The following CLYBL variants were observed in gnomAD, a reference collection of about 807,000 sequenced individuals.
CLYBL encodes citramalyl-CoA lyase, also known as citramalyl-CoA lyase, mitochondrial.
Under a neutral mutation model 38.9 loss-of-function variants are expected in CLYBL, and 31 were observed. The ratio of observed to expected loss-of-function variants is 0.80; its 90% CI spans 0.60 to 1.08. The LOEUF is 1.08. Ranked by LOEUF, CLYBL falls within the 50% of genes least tolerant of loss-of-function variation. CLYBL has a pLI of 0.00. For missense variants in CLYBL, 434 were observed against 411.6 expected, an observed-to-expected ratio of 1.05 and a Z score of -0.47; for synonymous variants, 171 against 158.6, an observed-to-expected ratio of 1.08 and a Z score of -0.59.
chr13:99,780,736 C>T (rs1237436069), intron 2 of CLYBL, among the ~76,000 whole-genome samples: 7 of 120,538 alleles, frequency 5.8e-5, no homozygotes, highest in East Asian at 2.5e-4. Context: ...TTTTTTGAAA[C>T]GTAGTCTCAC....
At chr13:99,786,349 C>T (rs2049794486) in intron 2 of CLYBL, among the ~76,000 whole-genome samples, 2 of 151,992 alleles carry the variant, frequency 1.3e-5, no homozygotes, top group African/African-American at 4.8e-5. Flanking sequence ...AATGCTTTCC[C>T]TTCCCCCTCC....
At chr13:99,755,732 G>A (rs1482911058) in intron 1 of CLYBL, among the ~76,000 whole-genome samples, 1 of 152,194 alleles carries the variant, frequency 6.6e-6, no homozygotes, top group Non-Finnish European at 1.5e-5. Context: ...CTCCCAGAGG[G>A]TGAGTGGGAA....
Position 99,625,646 on chromosome 13 carries a change from A to G in CLYBL, c.62+18889A>G, listed in dbSNP as rs574591632. ...TTGCAGAACTTATTGATTGTATTAC[A>G]TAGGTAAATGGAAAAATATTTCCTA... On this transcript the variant is annotated intron_variant, in intron 1 of 8. Transcript: ENST00000339105. 5.3e-5 allele frequency among the ~76,000 whole-genome samples: 8 copies of G among 152,370 alleles called. No individual in the cohort carries two copies. The East Asian group carries it at 5.8e-4, about 11-fold the overall frequency.
intron 1 of CLYBL, among the ~76,000 whole-genome samples, chr13:99,732,382 T>TG (rs2048607347): frequency 6.6e-6 from 1 of 151,948 alleles, no homozygotes; most frequent in South Asian, 2.1e-4. Flanking sequence ...TTCGTAGAGA[T>TG]GGGGTCTCAG....
In CLYBL at chr13:99,891,347, C is replaced by T. The variant is rs759692879; in HGVS notation, c.957C>T (p.Ile319=). 65 of 1,613,656 alleles carry T rather than the reference C, an allele frequency of 4.0e-5. No individual in the cohort carries two copies. In the East Asian group the frequency reaches 1.2e-3, roughly 30 times the overall value. The change falls in exon 8 of 9, where the codon ATC becomes ATT. Residue 319 remains isoleucine, a synonymous_variant. Transcript: ENST00000339105. ...KGAFTFQGSM[I]DMPLLKQAQN... The stretch of plus-strand genomic sequence containing the variant: ...CCTTTACTTTCCAAGGGAGTATGAT[C>T]GACATGCCATTACTGAAGCAGGCCC...
At chr13:99,755,363 A>G (rs568112256) in intron 1 of CLYBL, among the ~76,000 whole-genome samples, 41 of 152,196 alleles carry the variant, frequency 2.7e-4, no homozygotes, top group Admixed American at 5.9e-4. Context: ...CTGGTCTCTG[A>G]TGCCGTACTA....
chr13:99,758,467 T>C (rs2049106095), intron 1 of CLYBL, among the ~76,000 whole-genome samples: 1 of 152,206 alleles, frequency 6.6e-6, no homozygotes, highest in African/African-American at 2.4e-5. Flanking sequence ...ATTCCAAATA[T>C]GTAAGATAAA....
At chr13:99,693,113 C>G (rs935824531) in intron 1 of CLYBL, among the ~76,000 whole-genome samples, 8 of 152,128 alleles carry the variant, frequency 5.3e-5, no homozygotes, top group African/African-American at 1.9e-4. Flanking sequence ...CTTATGGTAA[C>G]TATGTTTAAC....
At chr13:99,871,942 G>T (rs1031992034) in intron 7 of CLYBL, among the ~76,000 whole-genome samples, 1 of 140,210 alleles carries the variant, frequency 7.1e-6, no homozygotes, top group Non-Finnish European at 1.5e-5. Flanking sequence ...TTAGGAGAAA[G>T]AATATTGAAA....
rs899094131 is a variant in CLYBL at position 99,849,338 on chromosome 13, A to G, written c.250-9523A>G. On this transcript the variant is annotated intron_variant, in intron 2 of 8. Coordinates refer to ENST00000339105, the MANE Select transcript of CLYBL (RefSeq NM_206808.5). This position sits in a 1 kb window ranked among gnomAD's most constrained non-coding sequence, Gnocchi z 4.9. ...ACCAGCCTGGGCAACATAGTGAGAC[A>G]CTGTATCTACAAAAAATACAAATAA... Among the ~76,000 whole-genome samples, 5 of 151,962 alleles carry G rather than the reference A, an allele frequency of 3.3e-5. No homozygotes were observed. Among genetic ancestry groups the G allele is most frequent in the African/African-American group, 1.2e-4 (5 of 41,360 alleles).
chr13:99,623,723 G>T (rs1005782705), intron 1 of CLYBL, among the ~76,000 whole-genome samples: 4 of 152,128 alleles, frequency 2.6e-5, no homozygotes, highest in African/African-American at 9.7e-5. Flanking sequence ...ACTTTGGGAG[G>T]CCGAGGTGGG....
Position 99,689,886 on chromosome 13 carries a change from C to CA in CLYBL, c.63-82931dup, listed in dbSNP as rs749146892. On this transcript the variant is annotated intron_variant, in intron 1 of 8. Coordinates refer to ENST00000339105, the MANE Select transcript of CLYBL (RefSeq NM_206808.5). ...TAGAATTTTGTTTAACAGCAACTGT[C>CA]AAAAAAACAAGTTAAAATAGCCCAG... is the stretch of plus-strand genomic sequence containing the variant. 2.7e-4 allele frequency among the ~76,000 whole-genome samples: 41 copies of CA among 152,068 alleles called. No homozygotes were observed. In the East Asian group the frequency reaches 4.3e-3, roughly 16 times the overall value.
At chr13:99,817,698 G>A (rs4772247) in intron 2 of CLYBL, among the ~76,000 whole-genome samples, 23,543 of 150,118 alleles carry the variant, frequency 0.16, 2,538 homozygotes, top group Non-Finnish European at 0.24. Flanking sequence ...AAAGCACTGA[G>A]CTAAAGTAAA....
chr13:99,754,684 AAG>A (rs1179818964), intron 1 of CLYBL, among the ~76,000 whole-genome samples: 2 of 151,204 alleles, frequency 1.3e-5, no homozygotes, highest in African/African-American at 4.9e-5. Flanking sequence ...TCCTGGGTTC[AAG>A]TGATTCTCCT....
chr13:99,758,027 T>C (rs2049097761), intron 1 of CLYBL, among the ~76,000 whole-genome samples: 1 of 152,222 alleles, frequency 6.6e-6, no homozygotes, highest in Admixed American at 6.5e-5. Flanking sequence ...ATGACAGCAA[T>C]AAGAGAGCAA....
intron 1 of CLYBL, among the ~76,000 whole-genome samples, chr13:99,614,799 A>G (rs544515156): frequency 6.6e-6 from 1 of 152,210 alleles, no homozygotes; most frequent in South Asian, 2.1e-4. Flanking sequence ...CCTGAAGATC[A>G]ACTCTTTACT....
intron 1 of CLYBL, among the ~76,000 whole-genome samples, chr13:99,724,543 A>AG (rs1222392300): frequency 6.6e-6 from 1 of 152,020 alleles, no homozygotes; most frequent in Admixed American, 6.6e-5. Context: ...ATGAAAAAAA[A>AG]AAAAAGAATG....
chr13:99,905,608 C>T (rs967412009), intron 9 of CLYBL, among the ~76,000 whole-genome samples: 4 of 151,446 alleles, frequency 2.6e-5, no homozygotes, highest in South Asian at 2.1e-4. Flanking sequence ...AGCCAAGAAC[C>T]GAGCTCCAGG....
chr13:99,890,829 C>T (rs1479833992), intron 7 of CLYBL, among the ~76,000 whole-genome samples: 3 of 152,152 alleles, frequency 2.0e-5, no homozygotes, highest in Non-Finnish European at 4.4e-5. Context: ...TCTTTGTACC[C>T]TGTACAATCC....
Sources: gnomAD v4.1 joint callset for allele counts (sites outside exome capture counted in the v4.1 genomes callset) on GRCh38, gnomAD v4.1.1 for gene constraint, Gnocchi (gnomAD v3.1) non-coding constraint, MANE v1.5 for transcripts, NCBI Gene and HGNC (gene_info 2026-07-23, HGNC 2026-07-21) for gene names.